The following IL1RAPL2 variants were observed in gnomAD, a reference collection of about 807,000 sequenced individuals.
IL1RAPL2 encodes X-linked interleukin-1 receptor accessory protein-like 2.
In IL1RAPL2, 3 loss-of-function variants were observed where a neutral mutation model predicts 44.1. That is an observed-to-expected ratio of 0.07 (90% CI 0.03 to 0.18). IL1RAPL2 has a LOEUF of 0.18. IL1RAPL2 is among the 10% of genes least tolerant of loss of function. The pLI is 1.00. For missense variants in IL1RAPL2, 391 were observed against 496.4 expected, an observed-to-expected ratio of 0.79 and a Z score of 2.02; for synonymous variants, 181 against 178.8, an observed-to-expected ratio of 1.01 and a Z score of -0.10.
intron 5 of IL1RAPL2, among the ~76,000 whole-genome samples, chrX:105,303,735 G>A (rs1415243011): frequency 8.9e-6 from 1 of 112,175 alleles, no homozygotes; most frequent in Non-Finnish European, 1.9e-5. Context: ...GTGACCAGAA[G>A]GGTCCTGGCG....
chrX:105,097,330 C>CAA (rs201390547), intron 2 of IL1RAPL2, among the ~76,000 whole-genome samples: 101 of 43,103 alleles, frequency 2.3e-3, no homozygotes, highest in Non-Finnish European at 2.9e-3. Context: ...CAGTGTCAGA[C>CAA]AAAAAAAAAA....
chrX:104,925,989 A>G (rs887721824), intron 2 of IL1RAPL2, among the ~76,000 whole-genome samples: 4 of 112,474 alleles, frequency 3.6e-5, no homozygotes, highest in Non-Finnish European at 5.6e-5. Flanking sequence ...AAATAACTTC[A>G]GCAGTTTCGA....
intron 5 of IL1RAPL2, among the ~76,000 whole-genome samples, chrX:105,371,745 A>T (rs185995534): frequency 8.9e-6 from 1 of 112,600 alleles, no homozygotes; most frequent in East Asian, 2.8e-4. Flanking sequence ...TAGTAAACTG[A>T]GAGATGAACA....
At chrX:105,222,331 T>C (rs1404549542) in intron 3 of IL1RAPL2, among the ~76,000 whole-genome samples, 1 of 112,250 alleles carries the variant, frequency 8.9e-6, no homozygotes, top group African/African-American at 3.2e-5. Flanking sequence ...TGTCAGATAA[T>C]TAGAGAGGAA....
intron 2 of IL1RAPL2, among the ~76,000 whole-genome samples, chrX:104,903,949 A>C (rs986168306): frequency 2.7e-5 from 3 of 111,761 alleles, no homozygotes; most frequent in Non-Finnish European, 3.8e-5. Context: ...TCCAGGTCAT[A>C]CAACTAGCAA....
intron 6 of IL1RAPL2, among the ~76,000 whole-genome samples, chrX:105,628,497 G>C (rs2037469858): frequency 8.9e-6 from 1 of 112,323 alleles, no homozygotes; most frequent in Non-Finnish European, 1.9e-5. Flanking sequence ...AAACACTAAA[G>C]ATTTTGTTTA....
At chrX:105,037,470 C>G (rs1406572145) in intron 2 of IL1RAPL2, among the ~76,000 whole-genome samples, 1 of 110,912 alleles carries the variant, frequency 9.0e-6, no homozygotes, top group Non-Finnish European at 1.9e-5. Flanking sequence ...TCAGGATGAG[C>G]AGAAGGGCGG....
intron 2 of IL1RAPL2, among the ~76,000 whole-genome samples, chrX:104,963,393 C>T (rs1025383006): frequency 8.9e-6 from 1 of 111,939 alleles, no homozygotes; most frequent in Non-Finnish European, 1.9e-5. Flanking sequence ...ATGATATTTA[C>T]ATAACAAGAA....
chrX:105,274,788 G>A (rs1430803826), intron 5 of IL1RAPL2, among the ~76,000 whole-genome samples: 14 of 111,917 alleles, frequency 1.3e-4, no homozygotes, highest in African/African-American at 4.2e-4. Flanking sequence ...GAAGAGTGGG[G>A]AAGGGAGAAG....
chrX:104,861,723 T>C (rs1411488723), intron 2 of IL1RAPL2, among the ~76,000 whole-genome samples: 1 of 111,866 alleles, frequency 8.9e-6, no homozygotes, highest in African/African-American at 3.2e-5. Context: ...ATATAACCCA[T>C]GTATATCTCC....
intron 6 of IL1RAPL2, among the ~76,000 whole-genome samples, chrX:105,533,776 T>C (rs754356005): frequency 1.8e-5 from 2 of 112,492 alleles, no homozygotes; most frequent in South Asian, 7.3e-4. Context: ...CATATATTAA[T>C]AGTTTGTTCC....
intron 3 of IL1RAPL2, among the ~76,000 whole-genome samples, chrX:105,198,381 A>C: frequency 8.9e-6 from 1 of 112,006 alleles, no homozygotes; most frequent in Admixed American, 9.5e-5. Context: ...CTTTGTTTCC[A>C]GTATTTTGTC....
chrX:104,917,478 T>C (rs1924489837), intron 2 of IL1RAPL2, among the ~76,000 whole-genome samples: 1 of 111,839 alleles, frequency 8.9e-6, no homozygotes, highest in Admixed American at 9.5e-5. Context: ...ATCCACAGAT[T>C]TGATTTAAAA....
chrX:105,180,163 C>A (rs782254306), intron 2 of IL1RAPL2, among the ~76,000 whole-genome samples: 1 of 109,115 alleles, frequency 9.2e-6, no homozygotes, highest in Admixed American at 9.8e-5. Flanking sequence ...ATGGTGAAAC[C>A]CCATCTCTAC....
At chrX:105,005,022 C>CA (rs2030916740) in intron 2 of IL1RAPL2, among the ~76,000 whole-genome samples, 1 of 109,654 alleles carries the variant, frequency 9.1e-6, no homozygotes, top group Non-Finnish European at 1.9e-5. Context: ...ATGTTCTATG[C>CA]TCATGCCTTC....
intron 2 of IL1RAPL2, among the ~76,000 whole-genome samples, chrX:105,076,282 G>T (rs1275190501): frequency 9.0e-6 from 1 of 111,260 alleles, no homozygotes; most frequent in Non-Finnish European, 1.9e-5. Context: ...CTTTATTTCT[G>T]CCTTCATTTC....
intron 5 of IL1RAPL2, among the ~76,000 whole-genome samples, chrX:105,368,314 C>A (rs777586106): frequency 3.6e-5 from 4 of 111,508 alleles, no homozygotes; most frequent in African/African-American, 6.5e-5. Flanking sequence ...TAAGTGGAAG[C>A]AGCCTGAGGC....
intron 2 of IL1RAPL2, among the ~76,000 whole-genome samples, chrX:104,983,533 T>TTATATAATATTATATTAGATACATAA (rs1569355685): frequency 8.6e-5 from 8 of 93,486 alleles, no homozygotes; most frequent in African/African-American, 2.3e-4. Context: ...ATACATAATA[T>TTATATAATATTATATTAGATACATAA]TATATAATAT....
chrX:105,323,861 G>T (rs2034914853), intron 5 of IL1RAPL2, among the ~76,000 whole-genome samples: 1 of 104,720 alleles, frequency 9.5e-6, no homozygotes, highest in Non-Finnish European at 1.9e-5. Context: ...GGGCAACAGA[G>T]TGAGACTCTG....
Sources: gnomAD v4.1 joint callset for allele counts (sites outside exome capture counted in the v4.1 genomes callset) on GRCh38, gnomAD v4.1.1 for gene constraint, MANE v1.5 for transcripts, NCBI Gene and HGNC (gene_info 2026-07-23, HGNC 2026-07-21) for gene names.